Variants in ZNF385B observed in about 807,000 individuals in gnomAD.
ZNF385B encodes the protein zinc finger protein 533.
Under a neutral mutation model 39.2 loss-of-function variants are expected in ZNF385B, and 23 were observed. That is an observed-to-expected ratio of 0.59 (90% CI 0.42 to 0.83). The LOEUF (loss-of-function observed/expected upper bound fraction) is 0.83. Among genes scored for constraint, ZNF385B ranks in the 40% least tolerant of loss-of-function variants. The probability of loss-of-function intolerance (pLI) is 0.00; values close to 1 mark genes in which losing one functional copy is unlikely to be tolerated. For synonymous variants in ZNF385B, 205 were observed against 222.6 expected (o/e 0.92, Z 0.70); for missense variants, 552 against 598.9 (o/e 0.92, Z 0.82).
At chr2:179,447,339 C>A (rs1216470544) in intron 6 of ZNF385B, among the ~76,000 whole-genome samples, 4 of 152,136 alleles carry the variant, frequency 2.6e-5, no homozygotes, top group Non-Finnish European at 5.9e-5. Context: ...ATATAAGAGA[C>A]CAAGCTTCCA....
intron 3 of ZNF385B, among the ~76,000 whole-genome samples, chr2:179,614,307 A>AT (rs61160417): frequency 0.15 from 22,004 of 151,712 alleles, 1,862 homozygotes; most frequent in East Asian, 0.25. Flanking sequence ...CCACTTCTGT[A>AT]TTTTTTTTCT....
At chr2:179,631,193 C>A (rs191222084) in intron 3 of ZNF385B, among the ~76,000 whole-genome samples, 3 of 152,144 alleles carry the variant, frequency 2.0e-5, no homozygotes, top group African/African-American at 7.2e-5. Flanking sequence ...CTCCTCGACA[C>A]GAGCAACCAC....
At chr2:179,784,481 A>C (rs1485410800) in intron 1 of ZNF385B, among the ~76,000 whole-genome samples, 1 of 152,086 alleles carries the variant, frequency 6.6e-6, no homozygotes, top group African/African-American at 2.4e-5. Flanking sequence ...AAACTAAAAA[A>C]AGAAAAAAAA....
chr2:179,501,375 T>C (rs1303430969), intron 5 of ZNF385B, among the ~76,000 whole-genome samples: 1 of 152,112 alleles, frequency 6.6e-6, no homozygotes, highest in Non-Finnish European at 1.5e-5. Context: ...GAAGAAAATG[T>C]GGGATGTATA....
At chr2:179,660,192 T>A (rs992932165) in intron 3 of ZNF385B, 1 of 152,394 alleles carries the variant, frequency 6.6e-6, no homozygotes, top group Admixed American at 6.6e-5. Context: ...GCAGATTGAG[T>A]GTGAGCCTTC....
chr2:179,648,749 A>G (rs540075771), intron 3 of ZNF385B, among the ~76,000 whole-genome samples: 1 of 152,298 alleles, frequency 6.6e-6, no homozygotes, highest in African/African-American at 2.4e-5. Context: ...CACAGGAGGC[A>G]GCTTGAAGGA....
At chr2:179,457,719 T>C (rs1251252068) in intron 6 of ZNF385B, among the ~76,000 whole-genome samples, 2 of 152,204 alleles carry the variant, frequency 1.3e-5, no homozygotes, top group Admixed American at 6.5e-5. Flanking sequence ...TTTTTAAAAC[T>C]GGGTTGTCAG....
At chr2:179,758,959 CTT>C (rs1292273554) in intron 3 of ZNF385B, among the ~76,000 whole-genome samples, 1 of 152,156 alleles carries the variant, frequency 6.6e-6, no homozygotes, top group African/African-American at 2.4e-5. Flanking sequence ...CCAAACTTCT[CTT>C]GTGTTTCCTT....
At chr2:179,713,732 T>C (rs1390661552) in intron 3 of ZNF385B, among the ~76,000 whole-genome samples, 1 of 152,250 alleles carries the variant, frequency 6.6e-6, no homozygotes, top group African/African-American at 2.4e-5. Flanking sequence ...ATTGACTGAA[T>C]AAATGCATGT....
chr2:179,664,186 T>A (rs1694864654), intron 3 of ZNF385B, among the ~76,000 whole-genome samples: 1 of 137,622 alleles, frequency 7.3e-6, no homozygotes, highest in Admixed American at 7.1e-5. Flanking sequence ...TAAGAGTAGA[T>A]TGTTTAAACC....
chr2:179,653,327 T>G (rs1343454520), intron 3 of ZNF385B, among the ~76,000 whole-genome samples: 2 of 152,182 alleles, frequency 1.3e-5, no homozygotes, highest in African/African-American at 4.8e-5. Context: ...GTCAGGGTAT[T>G]TCTTTTGAGT....
At chr2:179,660,542 T>C (rs3112930) in intron 3 of ZNF385B, among the ~76,000 whole-genome samples, 3,765 of 152,308 alleles carry the variant, frequency 0.025, 157 homozygotes, top group African/African-American at 0.085. Context: ...CAAGTTCTTT[T>C]ACTTTGATAA....
rs573999349 is a variant in ZNF385B at position 179,715,255 on chromosome 2, C to T, written c.298+54248G>A. Among the ~76,000 whole-genome samples, 3 of 152,266 alleles carry T rather than the reference C, an allele frequency of 2.0e-5. No homozygotes were observed. In the South Asian group the frequency reaches 6.2e-4, roughly 32 times the overall value. On this transcript the variant is annotated intron_variant, in intron 3 of 9. Transcript: ENST00000410066. ...GAACCCTCCCCCAAACTGCCCATGTCCCACCACCATAGGTGATGACTTCCA... is the reference window on the plus strand; with the variant it reads ...GAACCCTCCCCCAAACTGCCCATGTTCCACCACCATAGGTGATGACTTCCA...
intron 5 of ZNF385B, among the ~76,000 whole-genome samples, chr2:179,494,427 A>C (rs2055932203): frequency 6.6e-6 from 1 of 152,128 alleles, no homozygotes; most frequent in African/African-American, 2.4e-5. Flanking sequence ...CAGGAAAGAG[A>C]TGAAAAGGGT....
intron 6 of ZNF385B, among the ~76,000 whole-genome samples, chr2:179,469,569 G>A (rs935585437): frequency 1.3e-5 from 2 of 152,180 alleles, no homozygotes; most frequent in African/African-American, 2.4e-5. Flanking sequence ...CATCAGCAAA[G>A]CACAAATTGG....
intron 3 of ZNF385B, among the ~76,000 whole-genome samples, chr2:179,687,497 C>A (rs2106336722): frequency 6.6e-6 from 1 of 152,250 alleles, no homozygotes; most frequent in South Asian, 2.1e-4. Flanking sequence ...TCAGTAGGAC[C>A]TACCACACTG....
At chr2:179,770,827 G>A (rs923601040) in intron 1 of ZNF385B, among the ~76,000 whole-genome samples, 155 bp from the exon 2 acceptor site, 8 of 152,154 alleles carry the variant, frequency 5.3e-5, no homozygotes, top group African/African-American at 1.2e-4. Flanking sequence ...GGGAAGATTC[G>A]AAAGGGATTT....
chr2:179,524,483 C>T (rs1271269144), intron 4 of ZNF385B, among the ~76,000 whole-genome samples: 1 of 136,156 alleles, frequency 7.3e-6, no homozygotes, highest in Admixed American at 8.0e-5. Context: ...ACCTGGGAGG[C>T]AGAGCTTGCA....
At chr2:179,784,449 T>G (rs1005062927) in intron 1 of ZNF385B, among the ~76,000 whole-genome samples, 1 of 151,882 alleles carries the variant, frequency 6.6e-6, no homozygotes, top group African/African-American at 2.4e-5. Flanking sequence ...TACTTTCACA[T>G]GTACCCTCGA....
Sources: allele counts gnomAD v4.1 joint callset (sites outside exome capture counted in the v4.1 genomes callset), GRCh38; gene constraint gnomAD v4.1.1; transcripts MANE v1.5; gene names NCBI Gene and HGNC (gene_info 2026-07-23, HGNC 2026-07-21).